Variants in RGS6 observed in about 807,000 individuals in gnomAD.
RGS6 encodes regulator of G protein signaling 6.
RGS6 carries 30 observed loss-of-function variants against 78.5 expected under a neutral mutation model. The observed-to-expected ratio is 0.38, with a 90% CI of 0.29 to 0.52. The LOEUF (loss-of-function observed/expected upper bound fraction) is 0.52, where lower values mean the gene tolerates loss of function less well. RGS6 is among the 20% of genes least tolerant of loss of function. The probability of loss-of-function intolerance (pLI) is 0.85; values close to 1 mark genes in which losing one functional copy is unlikely to be tolerated. For synonymous variants in RGS6, 206 were observed against 206.0 expected (o/e 1.00, Z 0.00); for missense variants, 495 against 609.7 (o/e 0.81, Z 1.98).
intron 2 of RGS6, among the ~76,000 whole-genome samples, chr14:72,224,359 C>T (rs542188436): frequency 4.0e-5 from 6 of 151,792 alleles, no homozygotes; most frequent in South Asian, 2.1e-4. Flanking sequence ...GAGAGGTTCT[C>T]GTGGGCAAGA....
At chr14:71,988,579 C>T (rs190187348) in intron 2 of RGS6, among the ~76,000 whole-genome samples, 52 of 151,850 alleles carry the variant, frequency 3.4e-4, no homozygotes, top group Admixed American at 1.9e-3. Context: ...TGAGCTACCA[C>T]GGAGGAGTTG....
At chr14:72,176,974 A>G (rs1049122425) in intron 2 of RGS6, among the ~76,000 whole-genome samples, 1 of 152,190 alleles carries the variant, frequency 6.6e-6, no homozygotes, top group African/African-American at 2.4e-5. Flanking sequence ...TTAACTTAAC[A>G]TAAATGAAAT....
chr14:71,957,485 A>G (rs562841180), intron 1 of RGS6, among the ~76,000 whole-genome samples: 1 of 152,316 alleles, frequency 6.6e-6, no homozygotes, highest in South Asian at 2.1e-4. Flanking sequence ...ACAGAAGGTT[A>G]AAGTTCAGAG....
chr14:72,228,898 A>G (rs4903000), intron 2 of RGS6, among the ~76,000 whole-genome samples: 8,730 of 152,224 alleles, frequency 0.057, 351 homozygotes, highest in East Asian at 0.26. Context: ...TACTAAAAAT[A>G]TAAAAATTTA....
chr14:72,578,225 A>G, the RGS6 span, among the ~76,000 whole-genome samples: 1 of 152,166 alleles, frequency 6.6e-6, no homozygotes, highest in Admixed American at 6.6e-5. Context: ...CTTTGAAGAA[A>G]CTTCATTATT....
intron 2 of RGS6, among the ~76,000 whole-genome samples, chr14:72,010,586 A>C (rs2085469357): frequency 6.6e-6 from 1 of 152,166 alleles, no homozygotes; most frequent in Non-Finnish European, 1.5e-5. Context: ...CTGTTAAATA[A>C]AAATTACAGG....
At chr14:71,964,648 T>C (rs2093409740) in intron 1 of RGS6, 124 bp from the exon 2 acceptor site, 2 of 620,784 alleles carry the variant, frequency 3.2e-6, no homozygotes, top group African/African-American at 3.7e-5. Context: ...CTTTAAAAAA[T>C]GTATCATGTA....
At chr14:72,232,744 G>A (rs897144325) in intron 2 of RGS6, among the ~76,000 whole-genome samples, 10 of 152,296 alleles carry the variant, frequency 6.6e-5, no homozygotes, top group South Asian at 4.1e-4. Flanking sequence ...AGCAGGCACT[G>A]TGGGGAGTGT....
chr14:71,891,318 C>A, the RGS6 span, among the ~76,000 whole-genome samples: 1 of 152,144 alleles, frequency 6.6e-6, no homozygotes. Context: ...TCTGCGGGAG[C>A]TACGGTCATC....
At chr14:72,069,239 C>T (rs2094309883) in intron 2 of RGS6, among the ~76,000 whole-genome samples, 1 of 152,144 alleles carries the variant, frequency 6.6e-6, no homozygotes, top group African/African-American at 2.4e-5. Context: ...TCCCAAAGTG[C>T]TAGGATTACA....
At chr14:72,366,346 G>C (rs2082445094) in intron 3 of RGS6, among the ~76,000 whole-genome samples, 1 of 152,138 alleles carries the variant, frequency 6.6e-6, no homozygotes, top group East Asian at 1.9e-4. Flanking sequence ...CACTGAGTTA[G>C]GGGATAGATA....
intron 2 of RGS6, among the ~76,000 whole-genome samples, chr14:72,264,454 A>G (rs2058697443): frequency 6.6e-6 from 1 of 152,222 alleles, no homozygotes; most frequent in Admixed American, 6.5e-5. Context: ...AAAATTAAAC[A>G]TTTTTATTTG....
intron 3 of RGS6, among the ~76,000 whole-genome samples, chr14:72,382,485 A>G (rs181409154): frequency 6.6e-6 from 1 of 152,318 alleles, no homozygotes; most frequent in Non-Finnish European, 1.5e-5. Flanking sequence ...ATGCTAATCG[A>G]ATGCTGGTGG....
chr14:72,347,480 T>C (rs987664930), intron 2 of RGS6, among the ~76,000 whole-genome samples: 3 of 152,248 alleles, frequency 2.0e-5, no homozygotes, highest in Admixed American at 2.0e-4. Flanking sequence ...TTCCCTTTGA[T>C]GCAAATGGTA....
At position 72,480,366 on chromosome 14, in the gene RGS6, ATTGT is replaced by A. The variant is rs1355624234; in HGVS notation, c.854+2048_854+2051del. Among the ~76,000 whole-genome samples the A allele has an allele frequency of 5.3e-5, 8 of 152,186 alleles. No individual in the cohort carries two copies. The East Asian group carries it at 9.7e-4, about 18-fold the overall frequency. On this transcript the variant is annotated intron_variant, in intron 12 of 17. Coordinates refer to ENST00000553525, the MANE Select transcript of RGS6 (RefSeq NM_001204424.2). Reference sequence around the variant, plus strand: ...GGAGGCGGGGAGCCCGGCCCATCCTATTGTTTGTTTGTTTCCTTGCTGTCAGGGA... The same window carrying A: ...GGAGGCGGGGAGCCCGGCCCATCCTATTGTTTGTTTCCTTGCTGTCAGGGA...
At chr14:72,420,307 C>G (rs1019932322) in intron 3 of RGS6, among the ~76,000 whole-genome samples, 3 of 152,230 alleles carry the variant, frequency 2.0e-5, no homozygotes, top group Non-Finnish European at 4.4e-5. Flanking sequence ...CAGATGCTAA[C>G]TGTCTGCAGG....
chr14:72,163,323 A>G (rs1209995842), intron 2 of RGS6, among the ~76,000 whole-genome samples: 1 of 152,244 alleles, frequency 6.6e-6, no homozygotes, highest in Non-Finnish European at 1.5e-5. Context: ...GGTGGTTGGT[A>G]AAAGAGAATG....
At chr14:72,180,344 T>A (rs1287958840) in intron 2 of RGS6, among the ~76,000 whole-genome samples, 1 of 152,204 alleles carries the variant, frequency 6.6e-6, no homozygotes, top group Non-Finnish European at 1.5e-5. Context: ...GTTGTTGGAA[T>A]TGAATATAAG....
chr14:72,002,898 A>G (rs2083757522), intron 2 of RGS6, among the ~76,000 whole-genome samples: 1 of 152,204 alleles, frequency 6.6e-6, no homozygotes, highest in Admixed American at 6.5e-5. Context: ...GAACACTCGT[A>G]CTACTGCAAA....
Sources: gnomAD v4.1 joint callset for allele counts (sites outside exome capture counted in the v4.1 genomes callset) on GRCh38, gnomAD v4.1.1 for gene constraint, MANE v1.5 for transcripts, NCBI Gene and HGNC (gene_info 2026-07-23, HGNC 2026-07-21) for gene names.